TOM1: variants seen among roughly 807,000 people sequenced by gnomAD.
The protein encoded by TOM1 is target of myb1 membrane trafficking protein.
Under a neutral mutation model 61.3 loss-of-function variants are expected in TOM1, and 38 were observed. That is an observed-to-expected ratio of 0.62 (90% CI 0.48 to 0.81). The LOEUF is 0.81. TOM1 is among the 40% of genes least tolerant of loss of function. TOM1 has a pLI of 0.00. For missense variants in TOM1, 591 were observed against 659.6 expected (o/e 0.90, Z 1.14); for synonymous variants, 270 against 268.8 (o/e 1.00, Z -0.04).
chr22:35,323,741 T>C lies in TOM1; in HGVS notation c.502-27T>C. 1 of 1,600,110 alleles carries C rather than the reference T, an allele frequency of 6.2e-7. No individual in the cohort carries two copies. Among genetic ancestry groups the C allele is most frequent in the Non-Finnish European group, 8.5e-7 (1 of 1,170,682 alleles). On this transcript the variant is annotated intron_variant, in intron 5 of 14. Coordinates refer to ENST00000449058, the MANE Select transcript of TOM1 (RefSeq NM_005488.3). This position sits in a 1 kb window ranked among gnomAD's most constrained non-coding sequence, Gnocchi z 4.2. Reference sequence around the variant, plus strand: ...GGGCTCTTGATGTTCCCAGGAGCCCTCACTGATCCTGTTTTCCTCCCACTA... The same window carrying C: ...GGGCTCTTGATGTTCCCAGGAGCCCCCACTGATCCTGTTTTCCTCCCACTA...
In TOM1 at chr22:35,323,091, T is replaced by C; in HGVS notation, c.280T>C (p.Phe94Leu). The C allele has an allele frequency of 6.2e-7, 1 of 1,614,146 alleles. No individual in the cohort carries two copies. The highest frequency in any genetic ancestry group is 8.5e-7 in the Non-Finnish European group (1 of 1,180,018). Residue 94 changes from phenylalanine (F) to leucine (L), a missense_variant, in exon 4 of 15, where the codon TTC becomes CTC. Transcript: ENST00000449058. This position sits in a 1 kb window ranked among gnomAD's most constrained non-coding sequence, Gnocchi z 4.2. ...RFHVLVASQD[F>L]VESVLVRTIL... Reference sequence around the variant, plus strand: ...CCACGTGCTGGTGGCCAGCCAGGACTTCGTGGAGAGTGTGCTGGTGAGGAC... The same window carrying C: ...CCACGTGCTGGTGGCCAGCCAGGACCTCGTGGAGAGTGTGCTGGTGAGGAC...
chr22:35,325,188 G>T (rs935057392), intron 6 of TOM1, among the ~76,000 whole-genome samples: 1 of 152,250 alleles, frequency 6.6e-6, no homozygotes, highest in Admixed American at 6.5e-5. Context: ...CGTAAAGGTG[G>T]AGCTGCTGAG....
intron 8 of TOM1, among the ~76,000 whole-genome samples, chr22:35,331,965 T>G (rs1928878878): frequency 6.6e-6 from 1 of 152,098 alleles, no homozygotes; most frequent in South Asian, 2.1e-4. Flanking sequence ...CCTCTGTATC[T>G]GTAAAATGAG....
At chr22:35,331,671 G>C (rs1022533283) in intron 8 of TOM1, among the ~76,000 whole-genome samples, 2 of 152,120 alleles carry the variant, frequency 1.3e-5, no homozygotes, top group African/African-American at 4.8e-5. Flanking sequence ...ATCACTTGAG[G>C]CCAGGAGTTT....
chr22:35,344,326 G>A (rs1219520100), intron 12 of TOM1: 1 of 152,568 alleles, frequency 6.6e-6, no homozygotes, highest in African/African-American at 2.4e-5. Flanking sequence ...GCATGGGCGT[G>A]GGGCACCGTG....
intron 1 of TOM1, among the ~76,000 whole-genome samples, chr22:35,303,500 ATTTC>A (rs1926035331): frequency 7.6e-6 from 1 of 132,334 alleles, no homozygotes; most frequent in African/African-American, 2.8e-5. Context: ...CATTTTTATT[ATTTC>A]TTTTTTTTTT....
At chr22:35,344,314 A>C (rs1218947404) in intron 12 of TOM1, 1 of 152,518 alleles carries the variant, frequency 6.6e-6, no homozygotes, top group Non-Finnish European at 1.5e-5. Context: ...GGCTCCTGCC[A>C]GGCATGGGCG....
At chr22:35,343,742 T>TACACACACACCACATGCATCTACACCC (rs1930225154) in intron 12 of TOM1, among the ~76,000 whole-genome samples, 2 of 106,828 alleles carry the variant, frequency 1.9e-5, no homozygotes, top group Non-Finnish European at 1.9e-5. Flanking sequence ...CCACCACACC[T>TACACACACACCACATGCATCTACACCC]ACACACACAC....
intron 1 of TOM1, among the ~76,000 whole-genome samples, chr22:35,302,813 C>A (rs1925958791): frequency 6.6e-6 from 1 of 152,148 alleles, no homozygotes; most frequent in Non-Finnish European, 1.5e-5. Context: ...GCTGAAGAGG[C>A]TCCAAAAGTA....
rs1260883094 is a variant in TOM1 at position 35,332,998 on chromosome 22, C to T, written c.917C>T (p.Thr306Ile). Residue 306 changes from threonine to isoleucine, a missense_variant, in exon 9 of 15, where the codon ACA becomes ATA. By Grantham distance (89) the Thr-to-Ile change is moderately conservative. Coordinates refer to ENST00000449058, the MANE Select transcript of TOM1 (RefSeq NM_005488.3). Reference sequence around the variant, plus strand: ...TCTTGTAGGTTTGAACGGTTCCGAACAGGCCAGACCACCAAGGTAAAAGTC... The same window carrying T: ...TCTTGTAGGTTTGAACGGTTCCGAATAGGCCAGACCACCAAGGTAAAAGTC... ...LRHERFERFR[T>I]GQTTKAPSEA... is the part of the protein sequence containing the mutation. The T allele has an allele frequency of 1.2e-6, 2 of 1,614,194 alleles. No individual in the cohort carries two copies. The highest frequency in any genetic ancestry group is 1.7e-6 in the Non-Finnish European group (2 of 1,180,032).
At chr22:35,304,933 G>C (rs141207336) in intron 1 of TOM1, among the ~76,000 whole-genome samples, 1 of 152,254 alleles carries the variant, frequency 6.6e-6, no homozygotes. Context: ...CTGGGGATGA[G>C]CCTCAGTGGT....
chr22:35,335,793 G>T (rs1433462150), intron 11 of TOM1: 1 of 154,902 alleles, frequency 6.5e-6, no homozygotes, highest in African/African-American at 2.4e-5. Flanking sequence ...TCCTGGAGGG[G>T]GCACCAGGCT....
At chr22:35,324,201 G>A (rs921451068) in intron 6 of TOM1, among the ~76,000 whole-genome samples, 14 of 152,126 alleles carry the variant, frequency 9.2e-5, no homozygotes, top group South Asian at 2.1e-4. Context: ...TGTTTTCTGC[G>A]GGGCCCTCCA....
intron 2 of TOM1, among the ~76,000 whole-genome samples, chr22:35,321,417 A>C (rs1446006690): frequency 6.6e-6 from 1 of 151,352 alleles, no homozygotes; most frequent in Non-Finnish European, 1.5e-5. Context: ...ACAGTGGCGC[A>C]ATCTCGGCTC....
At chr22:35,306,885 T>C (rs1345513494) in intron 1 of TOM1, among the ~76,000 whole-genome samples, 1 of 152,132 alleles carries the variant, frequency 6.6e-6, no homozygotes, top group Admixed American at 6.5e-5. Flanking sequence ...ACAGGTCAGG[T>C]TTCAGGCTGT....
chr22:35,319,723 C>T (rs956128779), intron 2 of TOM1, among the ~76,000 whole-genome samples: 2 of 152,220 alleles, frequency 1.3e-5, no homozygotes, highest in Non-Finnish European at 2.9e-5. Context: ...TGAAGTAGCC[C>T]GTGGGTCAGT....
intron 8 of TOM1, chr22:35,331,299 CAG>C (rs1928824498): frequency 2.2e-6 from 1 of 447,454 alleles, no homozygotes. Context: ...TTTGCAGAGA[CAG>C]GGGTCTCACT....
At chr22:35,324,056 G>C in intron 6 of TOM1, 142 bp downstream of exon 6, 2 of 1,064,940 alleles carry the variant, frequency 1.9e-6, no homozygotes, top group Non-Finnish European at 2.6e-6. Context: ...GGTTCTTCCT[G>C]TTTGAGCGAT....
At chr22:35,329,136 A>C (rs996668587) in intron 7 of TOM1, among the ~76,000 whole-genome samples, 7 of 152,150 alleles carry the variant, frequency 4.6e-5, no homozygotes, top group Non-Finnish European at 8.8e-5. Context: ...TTGTATTATT[A>C]GTAGACACAG....
Sources: allele counts gnomAD v4.1 joint callset (sites outside exome capture counted in the v4.1 genomes callset), GRCh38; gene constraint gnomAD v4.1.1; non-coding constraint Gnocchi (gnomAD v3.1); transcripts MANE v1.5; gene names NCBI Gene and HGNC (gene_info 2026-07-23, HGNC 2026-07-21).